Variants in PDXDC1 observed in about 807,000 individuals in gnomAD.
PDXDC1 encodes the protein pyridoxal-dependent decarboxylase domain-containing protein 1.
Under a neutral mutation model 100.1 loss-of-function variants are expected in PDXDC1, and 42 were observed. That is an observed-to-expected ratio of 0.42 (90% confidence interval 0.33 to 0.54). The LOEUF is 0.54. Ranked by LOEUF, PDXDC1 falls within the 20% of genes least tolerant of loss-of-function variation. The pLI, the probability that PDXDC1 is intolerant of heterozygous loss-of-function variation, is 0.10. For synonymous variants in PDXDC1, 260 were observed against 371.7 expected, an observed-to-expected ratio of 0.70 and a Z score of 3.46; for missense variants, 636 against 979.2, an observed-to-expected ratio of 0.65 and a Z score of 4.68.
At chr16:15,133,230 G>A in intron 16 of PDXDC1, 5 of 1,357,250 alleles carry the variant, frequency 3.7e-6, no homozygotes, top group Non-Finnish European at 5.2e-6. Context: ...CACGCATGCA[G>A]CAGATGTGAG....
intron 19 of PDXDC1, 104 bp downstream of exon 19, chr16:15,033,503 T>C: frequency 7.6e-7 from 1 of 1,313,834 alleles, no homozygotes; most frequent in Non-Finnish European, 1.1e-6. Flanking sequence ...GTTCGTTGTC[T>C]CTCAAAGTCT....
chr16:15,087,573 C>G (rs1178337027), intron 16 of PDXDC1, among the ~76,000 whole-genome samples: 1 of 152,138 alleles, frequency 6.6e-6, no homozygotes, highest in Non-Finnish European at 1.5e-5. Flanking sequence ...TCCCACAGAT[C>G]AACCATTTTC....
intron 16 of PDXDC1, among the ~76,000 whole-genome samples, chr16:15,077,728 C>G (rs1453503577): frequency 4.6e-5 from 7 of 152,212 alleles, no homozygotes; most frequent in Non-Finnish European, 8.8e-5. Context: ...GTAATCCCAG[C>G]TAATCAGGAG....
chr16:15,022,885 C>CA, intron 13 of PDXDC1, 131 bp downstream of exon 13: 1 of 790,242 alleles, frequency 1.3e-6, no homozygotes, highest in Non-Finnish European at 2.0e-6. Context: ...AGTAAAAAAA[C>CA]AAAACAAAAA....
At chr16:14,996,980 T>G (rs1293149455) in intron 1 of PDXDC1, among the ~76,000 whole-genome samples, 1 of 152,230 alleles carries the variant, frequency 6.6e-6, no homozygotes, top group African/African-American at 2.4e-5. Flanking sequence ...TGCCTTGGAG[T>G]GTAGGTCATG....
intron 16 of PDXDC1, chr16:15,127,459 C>T (rs2047800449): frequency 1.9e-6 from 3 of 1,555,776 alleles, no homozygotes; most frequent in African/African-American, 1.4e-5. Flanking sequence ...CGGTCCCCAG[C>T]CCCAGCCCAC....
intron 1 of PDXDC1, among the ~76,000 whole-genome samples, chr16:14,984,501 T>C (rs1483688751): frequency 8.1e-6 from 1 of 123,506 alleles, no homozygotes; most frequent in African/African-American, 2.8e-5. Context: ...ATATATTTTT[T>C]TTTTTTTTTT....
rs1389486028 is a variant in PDXDC1 at position 14,982,554 on chromosome 16, C to CA, written c.21+7344dup. Among the ~76,000 whole-genome samples, 745 of 149,770 alleles carry CA rather than the reference C, an allele frequency of 5.0e-3. 5 individuals are homozygous for CA. Among genetic ancestry groups the CA allele is most frequent in the African/African-American group, 0.016 (669 of 40,946 alleles). On this transcript the variant is annotated intron_variant, in intron 1 of 22. Transcript: ENST00000396410. ...ACTGCAACAGAGTGAGACTCCATCT[C>CA]AAAAAAAAAAGAAGATGGGAGGAGA...
At chr16:15,028,489 G>C (rs2042797183) in intron 14 of PDXDC1, among the ~76,000 whole-genome samples, 1 of 152,292 alleles carries the variant, frequency 6.6e-6, no homozygotes, top group Non-Finnish European at 1.5e-5. Flanking sequence ...CCTGCCTTCT[G>C]TCCCAAGTGT....
chr16:15,110,105 A>T (rs898519655), intron 16 of PDXDC1, among the ~76,000 whole-genome samples: 5 of 149,314 alleles, frequency 3.3e-5, no homozygotes, highest in African/African-American at 4.9e-5. Context: ...AGATTGTGCC[A>T]TTGCACTACA....
intron 13 of PDXDC1, among the ~76,000 whole-genome samples, chr16:15,025,018 C>T (rs1235888690): frequency 6.6e-6 from 1 of 152,308 alleles, no homozygotes; most frequent in Admixed American, 6.5e-5. Context: ...CATCCCCTGC[C>T]ACTCAGCTTA....
intron 16 of PDXDC1, chr16:15,114,637 ATCATCCTTAGAAACCGTCAACC>A: frequency 1.1e-6 from 1 of 920,730 alleles, no homozygotes; most frequent in South Asian, 1.5e-5. Context: ...CTCAGAAAGA[ATCATCCTTAGAAACCGTCAACC>A]TCCTCCAAAA....
chr16:15,098,042 G>A (rs1427595361), intron 16 of PDXDC1, among the ~76,000 whole-genome samples: 1 of 139,472 alleles, frequency 7.2e-6, no homozygotes, highest in Admixed American at 7.9e-5. Flanking sequence ...CTCCCAAAAT[G>A]CTGAGATTAT....
rs1217729318 is a variant in PDXDC1, at chr16:15,038,140, A to G, written c.*1865A>G. ...GTGAGCTGGAGATGGGTGTTTTTTT[A>G]AAAACATCAAGGTAGATCTAATATG... On this transcript the variant is annotated 3_prime_UTR_variant, in exon 23 of 23. Coordinates refer to ENST00000396410, the MANE Select transcript of PDXDC1 (RefSeq NM_015027.4). 6 of 1,613,022 alleles carry G rather than the reference A, an allele frequency of 3.7e-6. No individual in the cohort carries two copies. The highest frequency in any genetic ancestry group is 1.3e-5 in the African/African-American group (1 of 74,986).
intron 16 of PDXDC1, chr16:15,059,997 TAA>T (rs11330937): frequency 4.5e-3 from 724 of 162,248 alleles, no homozygotes; most frequent in South Asian, 0.017. Flanking sequence ...TACATTAAAT[TAA>T]AAAAAAAAAA....
At chr16:15,044,265 T>C in intron 16 of PDXDC1, 1 of 1,122,928 alleles carries the variant, frequency 8.9e-7, no homozygotes, top group Non-Finnish European at 1.3e-6. Flanking sequence ...AATTGGGATT[T>C]TTAACCCAAG....
Position 15,102,899 on chromosome 16 carries a change from T to C in PDXDC1, c.1400-35980T>C, listed in dbSNP as rs1010230067. On this transcript the variant is annotated intron_variant, in intron 16 of 16. Transcript: ENST00000535621. ...GGCTAAAGTGAGCTGATTGAGCCAT[T>C]GCACTCCAGCCTGAGCAACAGAGAG... Among the ~76,000 whole-genome samples the C allele has an allele frequency of 3.4e-5, 5 of 149,060 alleles. 1 individual carries two copies. The highest frequency in any genetic ancestry group is 1.3e-4 in the African/African-American group (5 of 39,042).
chr16:15,092,633 C>T, intron 16 of PDXDC1: 2 of 1,416,598 alleles, frequency 1.4e-6, no homozygotes, highest in Non-Finnish European at 2.0e-6. Flanking sequence ...CCAAGATTAA[C>T]AAGCTATTAA....
chr16:15,089,154 A>G (rs1188614384), intron 16 of PDXDC1, among the ~76,000 whole-genome samples: 1 of 151,920 alleles, frequency 6.6e-6, no homozygotes, highest in Non-Finnish European at 1.5e-5. Flanking sequence ...AATACAAAAA[A>G]ATTAGCTGGG....
Sources: gnomAD v4.1 joint callset for allele counts (sites outside exome capture counted in the v4.1 genomes callset) on GRCh38, gnomAD v4.1.1 for gene constraint, MANE v1.5 for transcripts, NCBI Gene and HGNC (gene_info 2026-07-23, HGNC 2026-07-21) for gene names.